Variants in SHTN1 observed in about 807,000 individuals in gnomAD.
The protein encoded by SHTN1 is shootin 1, also known as shootin-1.
Under a neutral mutation model 83.1 loss-of-function variants are expected in SHTN1, and 42 were observed. That is an observed-to-expected ratio of 0.51 (90% confidence interval 0.39 to 0.65). The LOEUF (loss-of-function observed/expected upper bound fraction) is 0.65, where lower values mean the gene tolerates loss of function less well. Ranked by LOEUF, SHTN1 falls within the 30% of genes least tolerant of loss-of-function variation. The probability of loss-of-function intolerance (pLI) is 0.00; values close to 1 mark genes in which losing one functional copy is unlikely to be tolerated. For missense variants in SHTN1, 622 were observed against 737.8 expected (o/e 0.84, Z 1.82); for synonymous variants, 224 against 247.7 (o/e 0.90, Z 0.90).
intron 2 of SHTN1, among the ~76,000 whole-genome samples, chr10:117,016,580 T>C (rs1852184232): frequency 6.6e-6 from 1 of 152,140 alleles, no homozygotes; most frequent in Non-Finnish European, 1.5e-5. Flanking sequence ...CTACTTTTTG[T>C]ATTTTTAGTA....
chr10:116,937,622 A>T (rs1245056221), intron 9 of SHTN1, among the ~76,000 whole-genome samples: 2 of 151,922 alleles, frequency 1.3e-5, no homozygotes, highest in African/African-American at 2.4e-5. Context: ...ACCTTGGTCA[A>T]TCTGATGATT....
intron 2 of SHTN1, among the ~76,000 whole-genome samples, chr10:116,974,334 G>A (rs1185583963): frequency 2.0e-5 from 3 of 152,202 alleles, no homozygotes; most frequent in Non-Finnish European, 4.4e-5. Context: ...GTATGTGGAT[G>A]TATTATGCAT....
At chr10:117,082,438 G>A (rs1301846786) in intron 1 of SHTN1, among the ~76,000 whole-genome samples, 1 of 150,150 alleles carries the variant, frequency 6.7e-6, no homozygotes, top group Non-Finnish European at 1.5e-5. Flanking sequence ...CATTTGCTGA[G>A]GAGAGCTTTA....
intron 14 of SHTN1, among the ~76,000 whole-genome samples, chr10:116,910,310 T>C (rs1433416282): frequency 6.6e-6 from 1 of 152,208 alleles, no homozygotes; most frequent in African/African-American, 2.4e-5. Context: ...GATACACTAA[T>C]GCCAGGTAAG....
intron 1 of SHTN1, among the ~76,000 whole-genome samples, chr10:117,109,486 G>T (rs571651383): frequency 7.3e-6 from 1 of 137,140 alleles, no homozygotes; most frequent in Non-Finnish European, 1.6e-5. Context: ...TTGGGAGATT[G>T]TTAGTGATTT....
intron 15 of SHTN1, among the ~76,000 whole-genome samples, chr10:116,903,529 C>T (rs1211230796): frequency 7.1e-6 from 1 of 141,504 alleles, no homozygotes; most frequent in Admixed American, 7.1e-5. Context: ...ATCTCAGAGA[C>T]AAAAAAAAAA....
rs149587433 is a variant in SHTN1 at position 116,941,187 on chromosome 10, G to A, written c.712-575C>T. Among the ~76,000 whole-genome samples the A allele has an allele frequency of 2.8e-4, 43 of 152,288 alleles. No homozygotes were observed. In the East Asian group the frequency reaches 5.6e-3, roughly 20 times the overall value. On this transcript the variant is annotated intron_variant, in intron 8 of 16. Transcript: ENST00000355371. ...GAACACACGTAAGTGACAAGACCAG[G>A]ACTTAAACCCATATCTGATTTACAT...
At chr10:116,926,830 T>C (rs564110265) in intron 11 of SHTN1, among the ~76,000 whole-genome samples, 5 of 152,164 alleles carry the variant, frequency 3.3e-5, no homozygotes, top group Non-Finnish European at 7.3e-5. Flanking sequence ...GCAAGGAGGT[T>C]GTCTTATGTA....
At chr10:117,103,338 G>A (rs1853622178) in intron 1 of SHTN1, among the ~76,000 whole-genome samples, 1 of 151,608 alleles carries the variant, frequency 6.6e-6, no homozygotes, top group Non-Finnish European at 1.5e-5. Flanking sequence ...TGATCTGCCC[G>A]CCTCAGCTTC....
At position 116,881,487 on chromosome 10, in the gene SHTN1, C is replaced by T; in HGVS notation, c.*4857G>A. The T allele has an allele frequency of 6.7e-7, 1 of 1,501,702 alleles. No individual in the cohort carries two copies. Among genetic ancestry groups the T allele is most frequent in the Non-Finnish European group, 8.9e-7 (1 of 1,119,020 alleles). 93.0% of individuals were successfully genotyped at this position (1,501,702 alleles called of 1,614,324 possible). ...TAAAAACTGGCACCATTGGATTAGA[C>T]AGTAAACTTTATTGTTACTTTAAAT... On this transcript the variant is annotated 3_prime_UTR_variant, in exon 17 of 17. Transcript: ENST00000355371.
At chr10:117,017,248 T>G (rs1344183741) in intron 2 of SHTN1, among the ~76,000 whole-genome samples, 1 of 151,934 alleles carries the variant, frequency 6.6e-6, no homozygotes, top group African/African-American at 2.4e-5. Flanking sequence ...TCCCAGCACT[T>G]TGGGAGGCCG....
chr10:116,906,926 A>C (rs1265300339), intron 14 of SHTN1, among the ~76,000 whole-genome samples, 179 bp from the exon 15 acceptor site: 2 of 152,204 alleles, frequency 1.3e-5, no homozygotes, highest in East Asian at 3.9e-4. Flanking sequence ...AGAGTGTTGG[A>C]TCATTTAAGA....
At chr10:116,968,503 T>TG in intron 3 of SHTN1, 149 bp downstream of exon 3, 4 of 558,190 alleles carry the variant, frequency 7.2e-6, no homozygotes. Context: ...CTTAAAGTGA[T>TG]GCCTGGGCAT....
At chr10:116,916,403 T>G (rs377313671) in intron 12 of SHTN1, among the ~76,000 whole-genome samples, 5 of 152,272 alleles carry the variant, frequency 3.3e-5, no homozygotes, top group Admixed American at 6.5e-5. Flanking sequence ...CATATTTGAG[T>G]TTATCTAATA....
At position 116,984,404 on chromosome 10, in the gene SHTN1, G is replaced by A. The variant is rs184053615; in HGVS notation, c.59-5096C>T. ...CAGAACATTTCCAACAGAACAGACA[G>A]TTCCACTGGCAGTTCTGGGCCGCTC... On this transcript the variant is annotated intron_variant, in intron 1 of 16. Coordinates refer to ENST00000355371, the MANE Select transcript of SHTN1 (RefSeq NM_001127211.3). 1.2e-3 allele frequency among the ~76,000 whole-genome samples: 181 copies of A among 152,312 alleles called. 2 individuals carry two copies. The highest frequency in any genetic ancestry group is 4.3e-3 in the African/African-American group (178 of 41,570).
intron 1 of SHTN1, among the ~76,000 whole-genome samples, chr10:117,000,431 C>T (rs369673437): frequency 3.2e-4 from 49 of 152,026 alleles, no homozygotes; most frequent in African/African-American, 1.0e-3. Flanking sequence ...TTGGGGAAAA[C>T]GATACTAACT....
chr10:116,966,038 C>T (rs1472107672), intron 3 of SHTN1, among the ~76,000 whole-genome samples: 1 of 152,046 alleles, frequency 6.6e-6, no homozygotes, highest in African/African-American at 2.4e-5. Flanking sequence ...GACGGAGTCT[C>T]ACCCTGTCGC....
At chr10:116,943,447 C>T (rs780253849) in intron 8 of SHTN1, among the ~76,000 whole-genome samples, 1 of 152,192 alleles carries the variant, frequency 6.6e-6, no homozygotes, top group Non-Finnish European at 1.5e-5. Flanking sequence ...GGCATCTTCA[C>T]ATTATCCCTG....
chr10:116,982,857 G>C (rs1309755476), intron 1 of SHTN1, among the ~76,000 whole-genome samples: 1 of 152,042 alleles, frequency 6.6e-6, no homozygotes, highest in Non-Finnish European at 1.5e-5. Context: ...AGCTACTCTG[G>C]AGGCTTGAGG....
Sources: allele counts gnomAD v4.1 joint callset (sites outside exome capture counted in the v4.1 genomes callset), GRCh38; gene constraint gnomAD v4.1.1; transcripts MANE v1.5; gene names NCBI Gene and HGNC (gene_info 2026-07-23, HGNC 2026-07-21).